The following KCNJ18 variants were observed in gnomAD, a reference collection of about 807,000 sequenced individuals.
KCNJ18 encodes the protein inward rectifier potassium channel 18.
A neutral mutation model predicts 17.3 loss-of-function variants in KCNJ18; 16 were observed. The ratio of observed to expected loss-of-function variants is 0.92; its 90% CI spans 0.62 to 1.40. The LOEUF is 1.40. KCNJ18 is among the 40% of genes most tolerant of loss of function. The pLI is 0.00. For synonymous variants in KCNJ18, 185 were observed against 262.6 expected, an observed-to-expected ratio of 0.70 and a Z score of 2.86; for missense variants, 462 against 626.8, an observed-to-expected ratio of 0.74 and a Z score of 2.81.
chr17:21,693,014 C>T (rs1756164412), intron 1 of KCNJ18, among the ~76,000 whole-genome samples: 2 of 152,312 alleles, frequency 1.3e-5, no homozygotes, highest in African/African-American at 2.4e-5. Context: ...CTGCCCTCCC[C>T]TGCGGGACGC....
chr17:21,698,864 TC>T (rs2142269060), intron 2 of KCNJ18, among the ~76,000 whole-genome samples: 1 of 152,312 alleles, frequency 6.6e-6, no homozygotes, highest in East Asian at 1.9e-4. Flanking sequence ...GGGCCCGCGC[TC>T]TCTCCCCACT....
At chr17:21,701,731 T>C (rs1905959370) in intron 2 of KCNJ18, among the ~76,000 whole-genome samples, 1 of 152,212 alleles carries the variant, frequency 6.6e-6, no homozygotes, top group Non-Finnish European at 1.5e-5. Context: ...GCCAACATGG[T>C]GAAACCCCGT....
At chr17:21,701,687 G>T (rs1905958374) in intron 2 of KCNJ18, among the ~76,000 whole-genome samples, 1 of 152,224 alleles carries the variant, frequency 6.6e-6, no homozygotes, top group Admixed American at 6.5e-5. Flanking sequence ...GAGGCAGGTG[G>T]ATCACCTGAG....
intron 2 of KCNJ18, 77 bp from the exon 3 acceptor site, chr17:21,702,654 G>T: frequency 3.0e-6 from 3 of 1,000,034 alleles, no homozygotes; most frequent in South Asian, 3.0e-5. Context: ...CTCCAGTCAC[G>T]TCTGGGGGCC....
chr17:21,703,859 G>C lies in KCNJ18; in HGVS notation c.1073G>C (p.Ser358Thr). ...TYEVPSTPRC[S>T]AKDLVENKFL... ...GAGGTGCCCTCTACGCCCCGCTGCA[G>C]TGCGAAGGATCTGGTAGAGAACAAG... The change falls in exon 3 of 3, where the codon AGT (serine) becomes ACT (threonine). Residue 358 changes from serine to threonine, a missense_variant. Physicochemically the swap from Ser to Thr is moderately conservative, Grantham distance 58. Transcript: ENST00000567955. 1 of 1,612,664 alleles carries C rather than the reference G, an allele frequency of 6.2e-7. No homozygotes were observed. Among genetic ancestry groups the C allele is most frequent in the Admixed American group, 1.7e-5 (1 of 59,990 alleles).
At chr17:21,702,087 T>C (rs1228771450) in intron 2 of KCNJ18, among the ~76,000 whole-genome samples, 1 of 152,094 alleles carries the variant, frequency 6.6e-6, no homozygotes, top group Non-Finnish European at 1.5e-5. Context: ...GGATGGGACA[T>C]GGGTCTTCCT....
At position 21,698,195 on chromosome 17, in the gene KCNJ18, G is replaced by T. The variant is rs1459559472; in HGVS notation, c.-57+2091G>T. ...CAGTCAGGCCTCAGGTCTTGGTGTT[G>T]TGGGGCACTGGTTTCACCCCTACAG... On this transcript the variant is annotated intron_variant, in intron 2 of 2. Transcript: ENST00000567955. 8.3e-4 allele frequency among the ~76,000 whole-genome samples: 127 copies of T among 152,314 alleles called. No individual in the cohort carries two copies. The East Asian group carries it at 0.021, about 26-fold the overall frequency.
rs1274407103 is a variant in KCNJ18 at position 21,704,015 on chromosome 17, A to T, written c.1229A>T (p.His410Leu). Reference protein sequence around the residue: ...SRDGLSPQARHDFDRLQAGGG... With the variant: ...SRDGLSPQARLDFDRLQAGGG... The stretch of plus-strand genomic sequence containing the variant: ...GATGGCCTCAGCCCCCAGGCCAGGC[A>T]TGACTTTGACAGACTCCAGGCTGGC... Residue 410 changes from histidine to leucine, a missense_variant, in exon 3 of 3, where the codon CAT becomes CTT. Around this residue, in one of 5 missense-constraint regions of KCNJ18, gnomAD observed 123 missense variants for 117.5 expected, o/e 1.05. Transcript: ENST00000567955. The T allele has an allele frequency of 1.3e-6, 2 of 1,592,298 alleles. No homozygotes were observed. The highest frequency in any genetic ancestry group is 3.4e-5 in the Admixed American group (2 of 59,164).
intron 2 of KCNJ18, among the ~76,000 whole-genome samples, chr17:21,700,479 G>A (rs1315971605): frequency 2.1e-5 from 2 of 96,766 alleles, no homozygotes; most frequent in African/African-American, 7.7e-5. Flanking sequence ...GGCAGTTGCT[G>A]TGTGCTGCTC....
In KCNJ18 at chr17:21,695,455, T is replaced by TTCCA. The variant is rs1223562209; in HGVS notation, c.-178-501_-178-498dup. 4.1e-3 allele frequency among the ~76,000 whole-genome samples: 582 copies of TTCCA among 141,722 alleles called. 1 individual carries two copies. Among genetic ancestry groups the TTCCA allele is most frequent in the African/African-American group, 0.011 (431 of 38,428 alleles). The allele number at this position is 141,722 out of a possible 152,430, so 93.0% of individuals were successfully genotyped here. ...CCACCTATCCATCATCCATCCATCC[T>TTCCA]TCCATCCATCCATCCATCCATCCAT... On this transcript the variant is annotated intron_variant, in intron 1 of 2. Transcript: ENST00000567955.
chr17:21,692,972 G>A (rs1236087421), intron 1 of KCNJ18, among the ~76,000 whole-genome samples: 1 of 152,312 alleles, frequency 6.6e-6, no homozygotes, highest in African/African-American at 2.4e-5. Flanking sequence ...CCTGTTCCGT[G>A]GGGGATTTCA....
Position 21,704,570 on chromosome 17 carries a change from T to TAGGG in KCNJ18, c.*483_*486dup. 1 of 166,370 alleles carries TAGGG rather than the reference T, an allele frequency of 6.0e-6. No individual in the cohort carries two copies. 10.3% of individuals were successfully genotyped at this position (166,370 alleles called of 1,614,324 possible). A position where few individuals can be genotyped will look rare whatever the true frequency, so the allele number is the denominator to read the frequency against. On this transcript the variant is annotated 3_prime_UTR_variant, in exon 3 of 3. Coordinates refer to ENST00000567955, the MANE Select transcript of KCNJ18 (RefSeq NM_001194958.2). ...AATTGGAGAAAAAAATTTTAATTCA[T>TAGGG]AGGGGGCAAAAAGAACAATTAGAAT... is the stretch of plus-strand genomic sequence containing the variant.
rs1234155620 is a variant in KCNJ18 at position 21,703,022 on chromosome 17, G to A, written c.236G>A (p.Arg79His). Residue 79 changes from arginine (R) to histidine (H), a missense_variant, in exon 3 of 3, where the codon CGC becomes CAC. This residue lies in a region of KCNJ18 where 237 missense variants were observed against 259.4 expected (regional missense o/e 0.91). Coordinates refer to ENST00000567955, the MANE Select transcript of KCNJ18 (RefSeq NM_001194958.2). ...ADMFTTCVDI[R>H]WRYMLLIFSL... ...ATGTTCACCACCTGTGTGGACATCC[G>A]CTGGCGCTACATGCTGCTCATCTTC... 7 of 1,612,580 alleles carry A rather than the reference G, an allele frequency of 4.3e-6. No homozygotes were observed. The highest frequency in any genetic ancestry group is 2.2e-5 in the East Asian group (1 of 44,830).
chr17:21,695,145 A>G (rs1253493521), intron 1 of KCNJ18, among the ~76,000 whole-genome samples: 1 of 152,162 alleles, frequency 6.6e-6, no homozygotes, highest in Non-Finnish European at 1.5e-5. Flanking sequence ...CCATCCAATC[A>G]TCTACTTTCA....
Position 21,700,550 on chromosome 17 carries a change from C to T in KCNJ18, c.-56-2181C>T, listed in dbSNP as rs1228818543. Among the ~76,000 whole-genome samples the T allele has an allele frequency of 1.1e-3, 109 of 100,294 alleles. 6 individuals carry two copies. The South Asian group carries it at 0.014, about 13-fold the overall frequency. 65.8% of individuals were successfully genotyped at this position (100,294 alleles called of 152,430 possible). ...CCCTGGGAGTGTTCCACAGCCTGGCCGGGCAGGCGGCTCCACCATCACCTG... is the reference window on the plus strand; with the variant it reads ...CCCTGGGAGTGTTCCACAGCCTGGCTGGGCAGGCGGCTCCACCATCACCTG... On this transcript the variant is annotated intron_variant, in intron 2 of 2. Coordinates refer to ENST00000567955, the MANE Select transcript of KCNJ18 (RefSeq NM_001194958.2).
At chr17:21,695,463 A>G (rs1905733283) in intron 1 of KCNJ18, among the ~76,000 whole-genome samples, 1 of 152,222 alleles carries the variant, frequency 6.6e-6, no homozygotes, top group Non-Finnish European at 1.5e-5. Context: ...CCTTCCATCC[A>G]TCCATCCATC....
intron 2 of KCNJ18, among the ~76,000 whole-genome samples, chr17:21,699,874 A>G (rs1269721891): frequency 3.3e-5 from 5 of 152,266 alleles, no homozygotes; most frequent in Admixed American, 3.3e-4. Flanking sequence ...CTGGCCTTTA[A>G]TTCTTGTGAT....
At chr17:21,699,193 G>A (rs1905858303) in intron 2 of KCNJ18, among the ~76,000 whole-genome samples, 1 of 152,196 alleles carries the variant, frequency 6.6e-6, no homozygotes, top group South Asian at 2.1e-4. Flanking sequence ...CTGATTTCAT[G>A]TCTTGTCTGA....
intron 2 of KCNJ18, among the ~76,000 whole-genome samples, chr17:21,701,521 T>C (rs1905949787): frequency 6.7e-6 from 1 of 148,936 alleles, no homozygotes; most frequent in African/African-American, 2.5e-5. Flanking sequence ...GCTGCAAGCA[T>C]GGCATGTGGG....
Sources: allele counts gnomAD v4.1 joint callset (sites outside exome capture counted in the v4.1 genomes callset), GRCh38; gene constraint gnomAD v4.1.1; regional missense constraint gnomAD v4.1.1; transcripts MANE v1.5; gene names NCBI Gene and HGNC (gene_info 2026-07-23, HGNC 2026-07-21).